Variants in BCL9 observed in about 807,000 individuals in gnomAD.
BCL9 encodes the protein BCL9 transcription coactivator, also known as B-cell CLL/lymphoma 9 protein.
BCL9 carries 25 observed loss-of-function variants against 88.5 expected under a neutral mutation model. The ratio of observed to expected loss-of-function variants is 0.28; its 90% CI spans 0.21 to 0.39. The LOEUF is 0.39. BCL9 is among the 10% of genes least tolerant of loss of function. The probability of loss-of-function intolerance (pLI) is 1.00; values close to 1 mark genes in which losing one functional copy is unlikely to be tolerated. For missense variants in BCL9, 1,817 were observed against 1,877.8 expected, an observed-to-expected ratio of 0.97 and a Z score of 0.60; for synonymous variants, 711 against 673.3, an observed-to-expected ratio of 1.06 and a Z score of -0.87.
intron 1 of BCL9, among the ~76,000 whole-genome samples, chr1:147,588,473 A>G (rs1656713219): frequency 2.0e-5 from 3 of 152,188 alleles, no homozygotes; most frequent in African/African-American, 2.4e-5. Context: ...AGGTGAAACA[A>G]AAAGGATTGT....
At chr1:147,566,756 CAAAAAAAAAG>C (rs1553196756) in intron 1 of BCL9, among the ~76,000 whole-genome samples, 38,672 of 84,116 alleles carry the variant, frequency 0.46, 4,996 homozygotes, top group Middle Eastern at 0.51. Context: ...GACGCTGTCT[CAAAAAAAAAG>C]AAAAAAAAAG....
At chr1:147,564,283 C>A (rs76606843) in intron 1 of BCL9, among the ~76,000 whole-genome samples, 5,008 of 152,096 alleles carry the variant, frequency 0.033, 121 homozygotes, top group Non-Finnish European at 0.043. Context: ...ATAACAGACA[C>A]AAGTAGTTCT....
At chr1:147,558,001 T>C (rs1417926577) in intron 1 of BCL9, among the ~76,000 whole-genome samples, 2 of 152,158 alleles carry the variant, frequency 1.3e-5, no homozygotes, top group African/African-American at 4.8e-5. Flanking sequence ...CCCACATTAC[T>C]TTACATGCCA....
intron 1 of BCL9, among the ~76,000 whole-genome samples, chr1:147,595,208 G>A (rs112424493): frequency 1.3e-5 from 2 of 152,230 alleles, no homozygotes; most frequent in African/African-American, 4.8e-5. Flanking sequence ...GCAAGGTCTG[G>A]TTGACCAGAT....
At chr1:147,592,999 G>C (rs781801494) in intron 1 of BCL9, among the ~76,000 whole-genome samples, 1 of 152,104 alleles carries the variant, frequency 6.6e-6, no homozygotes, top group African/African-American at 2.4e-5. Flanking sequence ...TGAATCACGC[G>C]TCTCCCCTTG....
chr1:147,571,949 G>T (rs587762256), intron 1 of BCL9, among the ~76,000 whole-genome samples: 2 of 152,074 alleles, frequency 1.3e-5, no homozygotes, highest in Non-Finnish European at 2.9e-5. Context: ...CCCTGTTTGG[G>T]TATAAGAGAT....
chr1:147,605,959 G>A (rs1657679552), intron 2 of BCL9, among the ~76,000 whole-genome samples: 1 of 152,194 alleles, frequency 6.6e-6, no homozygotes, highest in Non-Finnish European at 1.5e-5. Flanking sequence ...GTGATTCTGA[G>A]CTTGGTTAGA....
chr1:147,599,579 G>T (rs987926276), intron 1 of BCL9, among the ~76,000 whole-genome samples: 2 of 152,050 alleles, frequency 1.3e-5, no homozygotes, highest in Non-Finnish European at 2.9e-5. Flanking sequence ...ACGGGAAGAG[G>T]AGACCCTCCC....
Position 147,567,944 on chromosome 1 carries a change from C to A in BCL9, c.-478+26270C>A, listed in dbSNP as rs587754105. Among the ~76,000 whole-genome samples, 5 of 152,304 alleles carry A rather than the reference C, an allele frequency of 3.3e-5. No individual in the cohort carries two copies. The South Asian group carries it at 1.0e-3, about 32-fold the overall frequency. On this transcript the variant is annotated intron_variant, in intron 1 of 9. Transcript: ENST00000234739. ...TCCCATTGCAGCTCTAACAATCACA[C>A]CTTGAAAGTGTGTTCCTTACTGCTC... is the stretch of plus-strand genomic sequence containing the variant.
intron 1 of BCL9, among the ~76,000 whole-genome samples, chr1:147,547,469 G>A (rs1654659555): frequency 6.6e-6 from 1 of 152,086 alleles, no homozygotes; most frequent in African/African-American, 2.4e-5. Context: ...CATCTTGCTT[G>A]GAGCAAGGGA....
At chr1:147,616,441 G>A (rs1164697760) in intron 7 of BCL9, among the ~76,000 whole-genome samples, 2 of 152,108 alleles carry the variant, frequency 1.3e-5, no homozygotes, top group East Asian at 3.9e-4. Context: ...TTTCTATCTG[G>A]ATCTTAAGCA....
rs1553206336 is a variant in BCL9, at chr1:147,624,935, C to T, written c.4257C>T (p.Gly1419=). ...TGGGTGGATTTAGCCAAGGACCTGGCAACCCAGGAAACATGATGTTTTAAG... is the reference window on the plus strand; with the variant it reads ...TGGGTGGATTTAGCCAAGGACCTGGTAACCCAGGAAACATGATGTTTTAAG... ...VGMGGFSQGP[G]NPGNMMF The change falls in exon 10 of 10, where the codon GGC becomes GGT. Residue 1419 remains glycine (G), a synonymous_variant. Transcript: ENST00000234739. This position sits in a 1 kb window ranked among gnomAD's most constrained non-coding sequence, Gnocchi z 4.4. The T allele has an allele frequency of 1.2e-6, 2 of 1,609,718 alleles. No individual in the cohort carries two copies. The highest frequency in any genetic ancestry group is 3.3e-5 in the Admixed American group (2 of 59,924).
rs201616787 is a variant in BCL9, at chr1:147,619,772, C to T, written c.1617C>T (p.Asn539=). 2 of 1,614,144 alleles carry T rather than the reference C, an allele frequency of 1.2e-6. No homozygotes were observed. The highest frequency in any genetic ancestry group is 1.6e-4 in the Middle Eastern group (1 of 6,062). Residue 539 remains asparagine (N), a synonymous_variant, in exon 8 of 10, where the codon AAC becomes AAT. Transcript: ENST00000234739. The surrounding 1 kb of genome is among the most constrained non-coding windows in gnomAD (Gnocchi z 4.1). The stretch of plus-strand genomic sequence containing the variant: ...CAGAGCCATTTTCTGATGGTATCAA[C>T]ATGCCACATTCTCTGCCCCCGAGGG... ...GGTEPFSDGI[N]MPHSLPPRGM...
In BCL9 at chr1:147,619,712, G is replaced by A. The variant is rs1557860448; in HGVS notation, c.1557G>A (p.Gln519=). Residue 519 remains glutamine (Q), a synonymous_variant, in exon 8 of 10, where the codon CAG becomes CAA. Transcript: ENST00000234739. This position sits in a 1 kb window ranked among gnomAD's most constrained non-coding sequence, Gnocchi z 4.1. ...GVVRGPPPPY[Q]MTPSEGWAPG... is the part of the protein sequence containing the mutation. ...TCCGAGGACCCCCCCCTCCATACCA[G>A]ATGACCCCTAGTGAAGGCTGGGCAC... 1.2e-6 allele frequency: 2 copies of A among 1,614,008 alleles called. No homozygotes were observed. Among genetic ancestry groups the A allele is most frequent in the Non-Finnish European group, 1.7e-6 (2 of 1,180,016 alleles).
At chr1:147,602,748 G>T (rs1439180543) in intron 1 of BCL9, among the ~76,000 whole-genome samples, 1 of 152,208 alleles carries the variant, frequency 6.6e-6, no homozygotes, top group African/African-American at 2.4e-5. Flanking sequence ...GCAAGTGTAT[G>T]TCACTTGCTT....
At chr1:147,572,242 CAAAA>C (rs1655919618) in intron 1 of BCL9, among the ~76,000 whole-genome samples, 1 of 150,384 alleles carries the variant, frequency 6.6e-6, no homozygotes, top group Admixed American at 6.6e-5. Context: ...GACTCCGTCT[CAAAA>C]AAACAAAAAC....
intron 1 of BCL9, among the ~76,000 whole-genome samples, chr1:147,587,880 C>T (rs1370873848): frequency 2.6e-5 from 4 of 151,776 alleles, no homozygotes; most frequent in South Asian, 2.1e-4. Context: ...TGAGCAGTCT[C>T]GTGAAGCCTA....
At chr1:147,593,626 T>C (rs1656932096) in intron 1 of BCL9, among the ~76,000 whole-genome samples, 1 of 152,248 alleles carries the variant, frequency 6.6e-6, no homozygotes, top group Admixed American at 6.5e-5. Context: ...GAATCTTCAG[T>C]ACTTTGCACA....
In BCL9 at chr1:147,623,904, A is replaced by G; in HGVS notation, c.3226A>G (p.Thr1076Ala). The stretch of plus-strand genomic sequence containing the variant: ...TCCAAACCCCGTGGTTCCGATGCCA[A>G]CCCTCAGCCCAATGGGAATGACCCA... Reference protein sequence around the residue: ...SGPNPVVPMPTLSPMGMTQPL... With the variant: ...SGPNPVVPMPALSPMGMTQPL... The change falls in exon 10 of 10, where the codon ACC (threonine) becomes GCC (alanine). Residue 1076 changes from threonine to alanine, a missense_variant. This residue lies in a region of BCL9 where 589 missense variants were observed against 686.2 expected (regional missense o/e 0.86). Transcript: ENST00000234739. 6.2e-7 allele frequency: 1 copy of G among 1,614,126 alleles called. No individual in the cohort carries two copies. The highest frequency in any genetic ancestry group is 8.5e-7 in the Non-Finnish European group (1 of 1,180,022).
Sources: allele counts gnomAD v4.1 joint callset (sites outside exome capture counted in the v4.1 genomes callset), GRCh38; gene constraint gnomAD v4.1.1; regional missense constraint gnomAD v4.1.1; non-coding constraint Gnocchi (gnomAD v3.1); transcripts MANE v1.5; gene names NCBI Gene and HGNC (gene_info 2026-07-23, HGNC 2026-07-21).